LRP1B: variants seen among roughly 807,000 people sequenced by gnomAD.
The protein encoded by LRP1B is LDL receptor related protein 1B.
LRP1B carries 217 observed loss-of-function variants against 556.6 expected under a neutral mutation model. The observed-to-expected ratio is 0.39, with a 90% CI of 0.35 to 0.44. The LOEUF is 0.44. Among genes scored for constraint, LRP1B ranks in the 20% least tolerant of loss-of-function variants. The probability of loss-of-function intolerance (pLI) is 1.00; values close to 1 mark genes in which losing one functional copy is unlikely to be tolerated. For synonymous variants in LRP1B, 2,047 were observed against 1,865.8 expected, an observed-to-expected ratio of 1.10 and a Z score of -2.50; for missense variants, 5,053 against 5,620.8, an observed-to-expected ratio of 0.90 and a Z score of 3.23.
At chr2:141,810,046 TA>T (rs540968880) in intron 2 of LRP1B, among the ~76,000 whole-genome samples, 5 of 147,612 alleles carry the variant, frequency 3.4e-5, no homozygotes, top group South Asian at 4.3e-4. Flanking sequence ...TACTCATATT[TA>T]AAAAAAAACA....
chr2:141,028,648 T>A (rs1255910523), intron 11 of LRP1B, among the ~76,000 whole-genome samples: 3 of 152,130 alleles, frequency 2.0e-5, no homozygotes, highest in Non-Finnish European at 2.9e-5. Flanking sequence ...TGATCTTAAT[T>A]GTTTCTTATA....
chr2:141,464,503 C>G (rs1249432458), intron 3 of LRP1B, among the ~76,000 whole-genome samples: 2 of 149,752 alleles, frequency 1.3e-5, no homozygotes, highest in Non-Finnish European at 3.0e-5. Context: ...AGCTCTGCCT[C>G]CCGGGTTCAC....
intron 1 of LRP1B, among the ~76,000 whole-genome samples, chr2:141,810,825 T>C (rs140363883): frequency 2.0e-5 from 3 of 152,234 alleles, no homozygotes; most frequent in East Asian, 1.9e-4. Flanking sequence ...ATTAATATTA[T>C]AGTTAAAAAT....
chr2:141,566,696 T>A (rs1686342981), intron 2 of LRP1B, among the ~76,000 whole-genome samples: 1 of 152,150 alleles, frequency 6.6e-6, no homozygotes, highest in Admixed American at 6.5e-5. Context: ...TTCTTACTGA[T>A]TATAAATAAA....
intron 41 of LRP1B, among the ~76,000 whole-genome samples, chr2:140,628,725 C>T (rs915207664): frequency 2.0e-5 from 3 of 151,960 alleles, no homozygotes; most frequent in Non-Finnish European, 4.4e-5. Context: ...GGATTTGCAT[C>T]CCCACCCAAA....
At chr2:140,972,840 T>G (rs10169661) in intron 18 of LRP1B, among the ~76,000 whole-genome samples, 110,693 of 150,682 alleles carry the variant, frequency 0.73, 41,186 homozygotes, top group Admixed American at 0.79. Context: ...AAGATTAACT[T>G]GTTAGAACAA....
intron 3 of LRP1B, among the ~76,000 whole-genome samples, chr2:141,255,068 C>A (rs399810): frequency 0.21 from 32,327 of 151,894 alleles, 3,533 homozygotes; most frequent in South Asian, 0.25. Context: ...TATATCTCAT[C>A]TCAATATTTT....
intron 2 of LRP1B, among the ~76,000 whole-genome samples, chr2:141,537,886 A>G (rs181411356): frequency 3.1e-4 from 47 of 152,254 alleles, no homozygotes; most frequent in Admixed American, 2.5e-3. Flanking sequence ...TTCAGACTCC[A>G]TAACAATCCT....
At chr2:141,337,739 G>T (rs552011788) in intron 3 of LRP1B, among the ~76,000 whole-genome samples, 1 of 152,170 alleles carries the variant, frequency 6.6e-6, no homozygotes, top group African/African-American at 2.4e-5. Context: ...ATTTCCATTT[G>T]TTATTTCTTT....
intron 1 of LRP1B, among the ~76,000 whole-genome samples, chr2:141,993,470 A>G (rs1490913255): frequency 6.6e-6 from 1 of 152,044 alleles, no homozygotes; most frequent in Non-Finnish European, 1.5e-5. Context: ...ATCGGCTCCC[A>G]TTGGTAATGC....
intron 6 of LRP1B, among the ~76,000 whole-genome samples, chr2:141,220,888 C>T (rs1254078389): frequency 6.6e-6 from 1 of 151,922 alleles, no homozygotes; most frequent in Non-Finnish European, 1.5e-5. Context: ...GAATTCATTA[C>T]CACCAGGCCT....
chr2:142,118,209 T>C (rs558664543), intron 1 of LRP1B, among the ~76,000 whole-genome samples: 80 of 152,298 alleles, frequency 5.3e-4, no homozygotes, highest in Non-Finnish European at 9.3e-4. Flanking sequence ...CTCACTTACA[T>C]AGTGACTCTC....
At chr2:140,999,943 G>A (rs1247223790) in intron 15 of LRP1B, among the ~76,000 whole-genome samples, 1 of 151,956 alleles carries the variant, frequency 6.6e-6, no homozygotes, top group Non-Finnish European at 1.5e-5. Flanking sequence ...ATGGGGTCTT[G>A]CTCTGTCACC....
At chr2:142,127,269 T>C (rs1707689453) in intron 1 of LRP1B, among the ~76,000 whole-genome samples, 1 of 151,956 alleles carries the variant, frequency 6.6e-6, no homozygotes, top group Admixed American at 6.6e-5. Flanking sequence ...TCATATAATG[T>C]TTTTAATAAT....
intron 1 of LRP1B, among the ~76,000 whole-genome samples, chr2:141,846,933 G>A (rs2105768223): frequency 1.3e-5 from 2 of 151,396 alleles, no homozygotes; most frequent in East Asian, 3.9e-4. Context: ...ATAAGACAAA[G>A]ATGATTGATG....
chr2:140,655,305 AT>A (rs1684839757), intron 41 of LRP1B, among the ~76,000 whole-genome samples: 1 of 152,152 alleles, frequency 6.6e-6, no homozygotes, highest in Non-Finnish European at 1.5e-5. Context: ...TTAATCGTCT[AT>A]TTTATGTCCT....
rs1316237012 is a variant in LRP1B, at chr2:141,319,305, TTGTTG to T, written c.344-64669_344-64665del. 2.5e-5 allele frequency among the ~76,000 whole-genome samples: 3 copies of T among 118,390 alleles called. 1 individual carries two copies. The highest frequency in any genetic ancestry group is 1.1e-4 in the African/African-American group (3 of 26,662). The allele number at this position is 118,390 out of a possible 152,430, so 77.7% of individuals were successfully genotyped here. ...GTAGTCTCTAAAAAGCAGTGTTTTT[TTGTTG>T]TTTTTTTTTTTTTTCCTACTCTTAC... is the stretch of plus-strand genomic sequence containing the variant. On this transcript the variant is annotated intron_variant, in intron 3 of 90. Coordinates refer to ENST00000389484, the MANE Select transcript of LRP1B (RefSeq NM_018557.3).
At chr2:140,811,721 T>C (rs1441960755) in intron 32 of LRP1B, among the ~76,000 whole-genome samples, 1 of 152,132 alleles carries the variant, frequency 6.6e-6, no homozygotes, top group Non-Finnish European at 1.5e-5. Context: ...ATATTATTGT[T>C]CATTTTCTAA....
At chr2:140,406,990 C>T (rs920227343) in intron 66 of LRP1B, among the ~76,000 whole-genome samples, 22 of 152,078 alleles carry the variant, frequency 1.4e-4, no homozygotes, top group South Asian at 2.1e-4. Flanking sequence ...GGTATAAAAT[C>T]GGCACGTAGG....
Sources: gnomAD v4.1 joint callset for allele counts (sites outside exome capture counted in the v4.1 genomes callset) on GRCh38, gnomAD v4.1.1 for gene constraint, MANE v1.5 for transcripts, NCBI Gene and HGNC (gene_info 2026-07-23, HGNC 2026-07-21) for gene names.